Variants in FRMPD1 observed in about 807,000 individuals in gnomAD.
FRMPD1 encodes FERM and PDZ domain-containing protein 1.
Under a neutral mutation model 117.8 loss-of-function variants are expected in FRMPD1, and 76 were observed. That is an observed-to-expected ratio of 0.65 (90% confidence interval 0.54 to 0.78). The LOEUF (loss-of-function observed/expected upper bound fraction) is 0.78. FRMPD1 is among the 30% of genes least tolerant of loss of function. The pLI is 0.00. For missense variants in FRMPD1, 1,786 were observed against 1,964.5 expected (o/e 0.91, Z 1.72); for synonymous variants, 783 against 770.4 (o/e 1.02, Z -0.27).
Position 37,746,622 on chromosome 9 carries a change from C to T in FRMPD1, c.4590C>T (p.Thr1530=), listed in dbSNP as rs779686503. The T allele has an allele frequency of 1.9e-6, 3 of 1,613,930 alleles. No homozygotes were observed. The highest frequency in any genetic ancestry group is 1.7e-5 in the Admixed American group (1 of 60,032). Residue 1530 remains threonine, a synonymous_variant, in exon 16 of 16, where the codon ACC becomes ACT. Transcript: ENST00000377765. ...GGAACCTGAGGGATGTGGTGTACACCTACCATCAGTTTATAGAGGCTGCTA... is the reference window on the plus strand; with the variant it reads ...GGAACCTGAGGGATGTGGTGTACACTTACCATCAGTTTATAGAGGCTGCTA... The part of the protein sequence containing the change: ...AAGNLRDVVY[T]YHQFIEAAKS...
chr9:37,696,295 G>A (rs1051975785), intron 2 of FRMPD1, among the ~76,000 whole-genome samples: 1 of 151,446 alleles, frequency 6.6e-6, no homozygotes, highest in Non-Finnish European at 1.5e-5. Context: ...TGCTCATCAC[G>A]CTTTATAATT....
Position 37,745,778 on chromosome 9 carries a change from G to C in FRMPD1, c.3746G>C (p.Cys1249Ser). The change falls in exon 16 of 16, where the codon TGT becomes TCT. Residue 1249 changes from cysteine (C) to serine (S), a missense_variant. Coordinates refer to ENST00000377765, the MANE Select transcript of FRMPD1 (RefSeq NM_014907.3). ...CCTAGGGACAGCCCTGAGTGGGTCT[G>C]TTTTAATCCTGAGCCTTCCCTGCCA... ...IAPRDSPEWV[C>S]FNPEPSLPEP... 1 of 1,614,228 alleles carries C rather than the reference G, an allele frequency of 6.2e-7. No individual in the cohort carries two copies. The highest frequency in any genetic ancestry group is 1.3e-5 in the African/African-American group (1 of 75,060).
At chr9:37,682,910 A>T (rs1368892620) in intron 1 of FRMPD1, among the ~76,000 whole-genome samples, 1 of 152,214 alleles carries the variant, frequency 6.6e-6, no homozygotes, top group Non-Finnish European at 1.5e-5. Flanking sequence ...CATCAAATTG[A>T]CCCTTTAAAT....
At chr9:37,647,434 C>T (rs1824161903), upstream of FRMPD1, among the ~76,000 whole-genome samples, 1 of 151,380 alleles carries the variant, frequency 6.6e-6, no homozygotes, top group South Asian at 2.1e-4. Context: ...ATGGCGTGAA[C>T]CCAGGAGGAG....
chr9:37,666,129 A>G (rs1465037068), intron 1 of FRMPD1, among the ~76,000 whole-genome samples: 1 of 152,178 alleles, frequency 6.6e-6, no homozygotes, highest in Non-Finnish European at 1.5e-5. Context: ...GGCAGAACAT[A>G]GCAAATTTTA....
the FRMPD1 span, among the ~76,000 whole-genome samples, chr9:37,603,860 A>G: frequency 6.6e-6 from 1 of 152,060 alleles, no homozygotes; most frequent in Non-Finnish European, 1.5e-5. Flanking sequence ...TTGTATTTTT[A>G]GTAGAGATGG....
chr9:37,690,544 G>A (rs1822095510), intron 1 of FRMPD1, among the ~76,000 whole-genome samples: 14 of 152,190 alleles, frequency 9.2e-5, no homozygotes, highest in Admixed American at 9.2e-4. Context: ...AACTTTGTAT[G>A]ATGGGTCTGG....
chr9:37,722,026 AC>A (rs547270487), intron 6 of FRMPD1, among the ~76,000 whole-genome samples: 33 of 152,330 alleles, frequency 2.2e-4, no homozygotes, highest in African/African-American at 7.0e-4. Context: ...CTTTTAAATC[AC>A]AAAGAAAGTA....
At chr9:37,656,934 GA>G (rs11307017) in intron 1 of FRMPD1, among the ~76,000 whole-genome samples, 86,218 of 147,212 alleles carry the variant, frequency 0.59, 26,448 homozygotes, top group African/African-American at 0.8. Context: ...TGGTGAAAAA[GA>G]AAAAAAAAAA....
chr9:37,663,658 G>A (rs752928801), intron 1 of FRMPD1, among the ~76,000 whole-genome samples: 12 of 152,024 alleles, frequency 7.9e-5, no homozygotes, highest in Non-Finnish European at 7.4e-5. Flanking sequence ...CTGGTTTCTC[G>A]TAGTGTTTTG....
the FRMPD1 span, among the ~76,000 whole-genome samples, chr9:37,611,704 A>T: frequency 6.6e-6 from 1 of 152,246 alleles, no homozygotes; most frequent in Non-Finnish European, 1.5e-5. Context: ...TTCAAATAAT[A>T]GTAAACCTGT....
the FRMPD1 span, among the ~76,000 whole-genome samples, chr9:37,630,368 T>C: frequency 6.6e-6 from 1 of 152,118 alleles, no homozygotes; most frequent in Non-Finnish European, 1.5e-5. Context: ...TTTTCGTTTC[T>C]TTTTTGCTTA....
chr9:37,625,768 G>A, the FRMPD1 span, among the ~76,000 whole-genome samples: 3 of 152,220 alleles, frequency 2.0e-5, no homozygotes, highest in Non-Finnish European at 4.4e-5. Flanking sequence ...TATTTCAGGG[G>A]GTGGAGTGGT....
At chr9:37,681,622 T>TC (rs1305062330) in intron 1 of FRMPD1, among the ~76,000 whole-genome samples, 1 of 152,254 alleles carries the variant, frequency 6.6e-6, no homozygotes, top group East Asian at 1.9e-4. Flanking sequence ...AATGTGAACT[T>TC]CCCTAAAATA....
chr9:37,646,370 C>T (rs1413311592), upstream of FRMPD1, among the ~76,000 whole-genome samples: 2 of 152,146 alleles, frequency 1.3e-5, no homozygotes, highest in Non-Finnish European at 2.9e-5. Context: ...GGAATCATGT[C>T]GTTTTAGATC....
chr9:37,697,879 A>C (rs1012819664), intron 2 of FRMPD1, among the ~76,000 whole-genome samples: 1 of 152,200 alleles, frequency 6.6e-6, no homozygotes, highest in South Asian at 2.1e-4. Flanking sequence ...CACTTTGGGA[A>C]GCCAAGATGG....
chr9:37,642,943 A>G, the FRMPD1 span, among the ~76,000 whole-genome samples: 92 of 152,102 alleles, frequency 6.0e-4, 1 homozygote, highest in African/African-American at 9.4e-4. Context: ...CTCCCTGTGG[A>G]GTACTTGGGC....
chr9:37,667,698 A>G (rs1372641570), intron 1 of FRMPD1, among the ~76,000 whole-genome samples: 1 of 151,288 alleles, frequency 6.6e-6, no homozygotes, highest in African/African-American at 2.4e-5. Context: ...AAAGAAAAAA[A>G]AAAAGAAGGT....
rs188244045 is a variant in FRMPD1 at position 37,724,042 on chromosome 9, G to A, written c.517-183G>A. 2.8e-4 allele frequency among the ~76,000 whole-genome samples: 43 copies of A among 152,084 alleles called. 1 individual carries two copies. In the East Asian group the frequency reaches 8.3e-3, roughly 29 times the overall value. ...AAAAAAATAAAAGCCAGTCGTGGTG[G>A]CAGGTGCCTGTAATCCCAGCTATTT... On this transcript the variant is annotated intron_variant, in intron 6 of 15. Transcript: ENST00000377765.
Sources: allele counts gnomAD v4.1 joint callset (sites outside exome capture counted in the v4.1 genomes callset), GRCh38; gene constraint gnomAD v4.1.1; transcripts MANE v1.5; gene names NCBI Gene and HGNC (gene_info 2026-07-23, HGNC 2026-07-21).